The following ANK3 variants were observed in gnomAD, a reference collection of about 807,000 sequenced individuals.
The protein encoded by ANK3 is ankyrin 3, also known as ankyrin-3.
ANK3 carries 57 observed loss-of-function variants against 370.9 expected under a neutral mutation model. That is an observed-to-expected ratio of 0.15 (90% CI 0.12 to 0.19). The LOEUF is 0.19. ANK3 is among the 10% of genes least tolerant of loss of function. The pLI, the probability that ANK3 is intolerant of heterozygous loss-of-function variation, is 1.00. For missense variants in ANK3, 4,439 were observed against 5,302.1 expected (o/e 0.84, Z 5.06); for synonymous variants, 1,929 against 1,946.3 (o/e 0.99, Z 0.23).
intron 2 of ANK3, among the ~76,000 whole-genome samples, chr10:60,402,736 C>T (rs1023451726): frequency 3.3e-5 from 5 of 152,198 alleles, no homozygotes; most frequent in African/African-American, 1.2e-4. Flanking sequence ...TAATCAGAGA[C>T]ATGTGGCCCA....
chr10:60,703,822 C>T (rs1012830613), intron 1 of ANK3, among the ~76,000 whole-genome samples: 4 of 152,086 alleles, frequency 2.6e-5, no homozygotes, highest in Admixed American at 6.5e-5. Flanking sequence ...ATGAGTAGTT[C>T]CATATGTGTA....
chr10:60,092,607 A>G (rs748257659), intron 28 of ANK3, among the ~76,000 whole-genome samples: 1 of 152,212 alleles, frequency 6.6e-6, no homozygotes, highest in Non-Finnish European at 1.5e-5. Context: ...CTTTAATTAA[A>G]AAAGTAACTA....
intron 2 of ANK3, among the ~76,000 whole-genome samples, chr10:60,485,172 C>G (rs1165431387): frequency 6.6e-6 from 1 of 152,130 alleles, no homozygotes; most frequent in Non-Finnish European, 1.5e-5. Context: ...TCATCTGTAC[C>G]ATGACTGGAT....
intron 2 of ANK3, among the ~76,000 whole-genome samples, chr10:60,533,210 T>A (rs2076648408): frequency 1.3e-5 from 2 of 152,042 alleles, no homozygotes; most frequent in South Asian, 4.1e-4. Context: ...GGCTCCCTGG[T>A]TGTGTAAATG....
chr10:60,695,126 C>G (rs2079425623), intron 1 of ANK3, among the ~76,000 whole-genome samples: 1 of 151,612 alleles, frequency 6.6e-6, no homozygotes, highest in Non-Finnish European at 1.5e-5. Context: ...GACTTTAAAC[C>G]AACAAAGATC....
At position 60,101,224 on chromosome 10, in the gene ANK3, A is replaced by C. The variant is rs114658047; in HGVS notation, c.3328+4681T>G. ...TTCCATTTGTACTAATTTTATTTCA[A>C]GTGCTCTGTTGTTCCCTGGAGCTAG... On this transcript the variant is annotated intron_variant, in intron 28 of 43. Transcript: ENST00000280772. 5.4e-3 allele frequency among the ~76,000 whole-genome samples: 824 copies of C among 152,290 alleles called. 6 individuals are homozygous for C. The highest frequency in any genetic ancestry group is 0.018 in the African/African-American group (759 of 41,550).
At chr10:60,733,508 G>C (rs1589094122), upstream of ANK3, 1 of 461,858 alleles carries the variant, frequency 2.2e-6, no homozygotes, top group African/African-American at 2.0e-5. Context: ...GCGACCGCCA[G>C]GTGCCCGCGC....
intron 7 of ANK3, among the ~76,000 whole-genome samples, chr10:60,261,065 GTTTA>G (rs1566061307): frequency 6.6e-6 from 1 of 152,106 alleles, no homozygotes. Flanking sequence ...TTTTATAATT[GTTTA>G]TTTAATTTCA....
chr10:60,064,324 T>C (rs2081200459), intron 38 of ANK3, 36 bp from the exon 39 acceptor site: 1 of 1,542,106 alleles, frequency 6.5e-7, no homozygotes, highest in Non-Finnish European at 8.6e-7. Context: ...AGATTGCATA[T>C]TCTACTTTTA....
At chr10:60,607,965 T>G (rs1022107909) in intron 2 of ANK3, among the ~76,000 whole-genome samples, 1 of 152,138 alleles carries the variant, frequency 6.6e-6, no homozygotes, top group African/African-American at 2.4e-5. Context: ...GACCAGCACT[T>G]CAAATGTCAT....
intron 2 of ANK3, among the ~76,000 whole-genome samples, chr10:60,578,032 C>A (rs2077703984): frequency 6.6e-6 from 1 of 152,146 alleles, no homozygotes; most frequent in African/African-American, 2.4e-5. Flanking sequence ...TTAAACCTAG[C>A]TTAACTGTAA....
At chr10:60,281,957 A>T (rs2098169532) in intron 1 of ANK3, among the ~76,000 whole-genome samples, 1 of 152,252 alleles carries the variant, frequency 6.6e-6, no homozygotes, top group Non-Finnish European at 1.5e-5. Context: ...GTTTCCAGGG[A>T]TTTAAAGAAA....
intron 7 of ANK3, among the ~76,000 whole-genome samples, chr10:60,252,569 A>G (rs1000613095): frequency 6.6e-6 from 1 of 152,168 alleles, no homozygotes; most frequent in Non-Finnish European, 1.5e-5. Flanking sequence ...ACAATTCTAG[A>G]GCAGCACCCC....
intron 1 of ANK3, chr10:60,300,215 C>A: frequency 1.7e-6 from 1 of 599,186 alleles, no homozygotes; most frequent in Non-Finnish European, 2.8e-6. Context: ...GGTTAATTTG[C>A]TTCCTACCCA....
At chr10:60,530,699 G>C (rs2076585966) in intron 2 of ANK3, among the ~76,000 whole-genome samples, 1 of 152,112 alleles carries the variant, frequency 6.6e-6, no homozygotes, top group African/African-American at 2.4e-5. Flanking sequence ...ACATTCATAA[G>C]GGAACGCACA....
intron 27 of ANK3, among the ~76,000 whole-genome samples, chr10:60,106,711 T>G (rs1371461411): frequency 6.6e-6 from 1 of 152,208 alleles, no homozygotes; most frequent in Non-Finnish European, 1.5e-5. Context: ...AATTGTCACA[T>G]AATGACACAG....
rs1461550465 is a variant in ANK3 at position 60,574,672 on chromosome 10, A to G, written c.96+40514T>C. Among the ~76,000 whole-genome samples the G allele has an allele frequency of 2.0e-5, 3 of 152,338 alleles. No homozygotes were observed. The East Asian group carries it at 5.8e-4, about 29-fold the overall frequency. On this transcript the variant is annotated intron_variant, in intron 2 of 43. Coordinates refer to the ANK3 transcript ENST00000373827. ...CTGCTTCTACCGCTCATTGACTTCA[A>G]TCGGGTGAACCTTGTTTATTAGTCG...
intron 7 of ANK3, among the ~76,000 whole-genome samples, chr10:60,248,757 C>T (rs1332299029): frequency 1.3e-5 from 2 of 152,154 alleles, no homozygotes; most frequent in Non-Finnish European, 2.9e-5. Context: ...GGTAACATGG[C>T]TAGAAAATAC....
chr10:60,395,418 C>T (rs765024730), intron 2 of ANK3, among the ~76,000 whole-genome samples: 1 of 152,146 alleles, frequency 6.6e-6, no homozygotes, highest in Non-Finnish European at 1.5e-5. Flanking sequence ...CATTCCTACT[C>T]GACAGCACTC....
Sources: gnomAD v4.1 joint callset for allele counts (sites outside exome capture counted in the v4.1 genomes callset) on GRCh38, gnomAD v4.1.1 for gene constraint, MANE v1.5 for transcripts, NCBI Gene and HGNC (gene_info 2026-07-23, HGNC 2026-07-21) for gene names.